CDH13: variants seen among roughly 807,000 people sequenced by gnomAD.
The protein encoded by CDH13 is cadherin-13.
CDH13 carries 24 observed loss-of-function variants against 63.8 expected under a neutral mutation model. The observed-to-expected ratio is 0.38, with a 90% confidence interval of 0.27 to 0.53. The LOEUF (loss-of-function observed/expected upper bound fraction) is 0.53. Ranked by LOEUF, CDH13 falls within the 20% of genes least tolerant of loss-of-function variation. The pLI is 0.85. For synonymous variants in CDH13, 503 were observed against 355.3 expected (o/e 1.42, Z -4.67); for missense variants, 1,049 against 903.1 (o/e 1.16, Z -2.07).
At position 83,619,128 on chromosome 16, in the gene CDH13, A is replaced by ACATT. The variant is rs75587049; in HGVS notation, c.1101+16550_1101+16553dup. ...ACGTTATGCTGTCGCTTTCCAAAGT[A>ACATT]CATTCATTCATTCATTCATCCACCT... On this transcript the variant is annotated intron_variant, in intron 8 of 13. Coordinates refer to ENST00000567109, the MANE Select transcript of CDH13 (RefSeq NM_001257.5). Among the ~76,000 whole-genome samples, 1,292 of 152,316 alleles carry ACATT rather than the reference A, an allele frequency of 8.5e-3. 3 individuals carry two copies. The highest frequency in any genetic ancestry group is 0.013 in the Non-Finnish European group (877 of 68,030).
chr16:83,052,127 G>A (rs951671950), intron 3 of CDH13, among the ~76,000 whole-genome samples: 4 of 152,136 alleles, frequency 2.6e-5, no homozygotes. Flanking sequence ...TGATCCGTAT[G>A]CCATGTCCAT....
intron 6 of CDH13, among the ~76,000 whole-genome samples, chr16:83,479,238 TG>T (rs34218928): frequency 0.42 from 64,370 of 151,986 alleles, 14,304 homozygotes; most frequent in East Asian, 0.82. Flanking sequence ...ATCCTGAGAG[TG>T]AGTCCTAGAA....
At chr16:83,370,073 G>C (rs981855548) in intron 6 of CDH13, among the ~76,000 whole-genome samples, 9 of 152,090 alleles carry the variant, frequency 5.9e-5, no homozygotes, top group Non-Finnish European at 8.8e-5. Context: ...TGCTACTCAA[G>C]TATCTTCTTT....
intron 10 of CDH13, among the ~76,000 whole-genome samples, chr16:83,688,560 T>C (rs1775382303): frequency 6.6e-6 from 1 of 152,236 alleles, no homozygotes; most frequent in South Asian, 2.1e-4. Flanking sequence ...TCATCTTAAT[T>C]AAATGTGGTT....
chr16:83,205,363 C>T (rs144086119), intron 4 of CDH13, among the ~76,000 whole-genome samples: 11 of 152,080 alleles, frequency 7.2e-5, no homozygotes, highest in African/African-American at 2.7e-4. Flanking sequence ...TTGGGCCCAG[C>T]AAATAAAATG....
At chr16:83,662,717 A>G (rs1363850890) in intron 8 of CDH13, among the ~76,000 whole-genome samples, 7 of 152,236 alleles carry the variant, frequency 4.6e-5, no homozygotes, top group African/African-American at 1.7e-4. Context: ...AACCCAAAGC[A>G]CCATCAAAGG....
intron 1 of CDH13, among the ~76,000 whole-genome samples, chr16:82,699,521 C>G (rs1252622084): frequency 1.3e-5 from 2 of 152,190 alleles, no homozygotes; most frequent in Non-Finnish European, 2.9e-5. Context: ...ACATGGCCAC[C>G]CTTAATGCGT....
chr16:83,230,946 C>T (rs184293413), intron 5 of CDH13, among the ~76,000 whole-genome samples: 39 of 152,304 alleles, frequency 2.6e-4, no homozygotes, highest in African/African-American at 9.4e-4. Context: ...CAAGCATATG[C>T]CGGGAGACAT....
At chr16:82,806,189 C>G (rs1173547365) in intron 1 of CDH13, among the ~76,000 whole-genome samples, 2 of 152,190 alleles carry the variant, frequency 1.3e-5, no homozygotes, top group Non-Finnish European at 2.9e-5. Flanking sequence ...CCTTGCTGAA[C>G]TGGGCTTGGA....
intron 2 of CDH13, among the ~76,000 whole-genome samples, chr16:82,860,152 C>T (rs1003355859): frequency 7.9e-5 from 12 of 152,004 alleles, no homozygotes; most frequent in African/African-American, 2.9e-4. Flanking sequence ...AGTGATTATC[C>T]CAAATGGCAT....
intron 7 of CDH13, among the ~76,000 whole-genome samples, chr16:83,549,959 A>C (rs908588479): frequency 6.6e-6 from 1 of 152,174 alleles, no homozygotes; most frequent in Non-Finnish European, 1.5e-5. Context: ...TTGCTGGTAC[A>C]ATCTGGATCG....
intron 3 of CDH13, among the ~76,000 whole-genome samples, chr16:83,075,306 CTA>C (rs2032753892): frequency 6.6e-6 from 1 of 152,180 alleles, no homozygotes; most frequent in South Asian, 2.1e-4. Flanking sequence ...AAGAGAGTGA[CTA>C]TGTGGCCCCG....
At chr16:83,547,904 G>A (rs911872907) in intron 7 of CDH13, among the ~76,000 whole-genome samples, 1 of 152,174 alleles carries the variant, frequency 6.6e-6, no homozygotes, top group Non-Finnish European at 1.5e-5. Flanking sequence ...GAGCTGCTGG[G>A]GGAGGGAAAT....
At chr16:83,222,816 A>T (rs948174075) in intron 5 of CDH13, among the ~76,000 whole-genome samples, 5 of 152,186 alleles carry the variant, frequency 3.3e-5, no homozygotes, top group Admixed American at 3.3e-4. Flanking sequence ...ACAAGGCCAG[A>T]TGAGGTGGTG....
At chr16:83,791,597 G>A in intron 13 of CDH13, among the ~76,000 whole-genome samples, 1 of 152,032 alleles carries the variant, frequency 6.6e-6, no homozygotes, top group East Asian at 1.9e-4. Flanking sequence ...CGGATCACAA[G>A]GTCAGGAGTT....
At chr16:83,195,989 C>A (rs1329569339) in intron 4 of CDH13, among the ~76,000 whole-genome samples, 5 of 152,206 alleles carry the variant, frequency 3.3e-5, no homozygotes, top group African/African-American at 1.2e-4. Flanking sequence ...GGCCCAGTAG[C>A]TCACAACTGT....
intron 1 of CDH13, among the ~76,000 whole-genome samples, chr16:82,770,059 A>T (rs1409041642): frequency 2.0e-5 from 3 of 152,230 alleles, no homozygotes; most frequent in African/African-American, 4.8e-5. Flanking sequence ...CCAGAGCTGG[A>T]TGTCAGCCAA....
chr16:83,375,420 T>A (rs1395031878), intron 6 of CDH13, among the ~76,000 whole-genome samples: 1 of 152,158 alleles, frequency 6.6e-6, no homozygotes, highest in Non-Finnish European at 1.5e-5. Context: ...ATCAAATATT[T>A]GTAGATTAAA....
At chr16:83,008,343 G>A (rs1913759379) in intron 2 of CDH13, among the ~76,000 whole-genome samples, 1 of 152,194 alleles carries the variant, frequency 6.6e-6, no homozygotes. Flanking sequence ...AAGGAAGTTA[G>A]GAAGTTATGC....
Sources: allele counts gnomAD v4.1 joint callset (sites outside exome capture counted in the v4.1 genomes callset), GRCh38; gene constraint gnomAD v4.1.1; transcripts MANE v1.5; gene names NCBI Gene and HGNC (gene_info 2026-07-23, HGNC 2026-07-21).